The following LYST variants were observed in gnomAD, a reference collection of about 807,000 sequenced individuals.
LYST encodes lysosomal trafficking regulator, also known as lysosomal-trafficking regulator.
A neutral mutation model predicts 413.6 loss-of-function variants in LYST; 192 were observed. The observed-to-expected ratio is 0.46, with a 90% CI of 0.41 to 0.52. The LOEUF is 0.52. Ranked by LOEUF, LYST falls within the 20% of genes least tolerant of loss-of-function variation. The pLI is 0.00. For missense variants in LYST, 3,815 were observed against 4,499.9 expected (o/e 0.85, Z 4.35); for synonymous variants, 1,525 against 1,567.3 (o/e 0.97, Z 0.64).
intron 47 of LYST, among the ~76,000 whole-genome samples, chr1:235,687,765 C>G (rs1181071428): frequency 6.6e-6 from 1 of 152,174 alleles, no homozygotes; most frequent in East Asian, 1.9e-4. Flanking sequence ...CAGCTGCACA[C>G]CTCTTCCTCT....
chr1:235,845,722 C>A (rs187023352), intron 1 of LYST, among the ~76,000 whole-genome samples: 2 of 152,166 alleles, frequency 1.3e-5, no homozygotes, highest in African/African-American at 4.8e-5. Context: ...GGCTTTCCCC[C>A]ACTTCCCTGA....
At chr1:235,693,122 T>C (rs982518163) in intron 47 of LYST, among the ~76,000 whole-genome samples, 4 of 152,052 alleles carry the variant, frequency 2.6e-5, no homozygotes, top group Non-Finnish European at 5.9e-5. Flanking sequence ...GAGACCATCC[T>C]TGCTAACACG....
intron 8 of LYST, among the ~76,000 whole-genome samples, chr1:235,801,934 G>A (rs532805452): frequency 1.3e-5 from 2 of 152,178 alleles, no homozygotes; most frequent in East Asian, 1.9e-4. Context: ...GGTGGCTCAC[G>A]CCTGTAATCC....
chr1:235,754,610 G>A (rs1304356934), intron 25 of LYST, among the ~76,000 whole-genome samples: 1 of 152,072 alleles, frequency 6.6e-6, no homozygotes, highest in African/African-American at 2.4e-5. Context: ...GCTTTTATTT[G>A]TTTCTAGTTT....
chr1:235,677,039 T>C, intron 50 of LYST, 52 bp downstream of exon 50: 1 of 1,309,836 alleles, frequency 7.6e-7, no homozygotes, highest in Admixed American at 1.7e-5. Context: ...ACTGGCCGAA[T>C]GCGCTGTTAG....
chr1:235,720,993 T>C (rs1173229977), intron 39 of LYST, 88 bp from the exon 40 acceptor site: 1 of 1,343,304 alleles, frequency 7.4e-7, no homozygotes, highest in Admixed American at 1.7e-5. Context: ...ATTATAGACA[T>C]GTTACAAATC....
At chr1:235,694,346 C>T (rs184942876) in intron 46 of LYST, among the ~76,000 whole-genome samples, 1 of 152,222 alleles carries the variant, frequency 6.6e-6, no homozygotes, top group Non-Finnish European at 1.5e-5. Context: ...GTATGATGTT[C>T]TCTTGGCATA....
chr1:235,873,989 GTT>G (rs981754195), intron 1 of LYST, among the ~76,000 whole-genome samples: 1 of 152,174 alleles, frequency 6.6e-6, no homozygotes, highest in Non-Finnish European at 1.5e-5. Context: ...AATAATATAA[GTT>G]CTCAGCAGAT....
At chr1:235,733,949 T>G (rs200888557) in intron 32 of LYST, 43 bp from the exon 33 acceptor site, 1 of 976,324 alleles carries the variant, frequency 1.0e-6, no homozygotes, top group Non-Finnish European at 1.5e-6. Flanking sequence ...AATTTATTAT[T>G]TCTCACCTAA....
chr1:235,865,940 A>G (rs898539456), intron 1 of LYST, among the ~76,000 whole-genome samples: 5 of 152,104 alleles, frequency 3.3e-5, no homozygotes, highest in Admixed American at 3.3e-4. Flanking sequence ...CTCCCTTAAA[A>G]TTTTCTATCT....
At chr1:235,827,554 C>G in intron 3 of LYST, 1 of 978,268 alleles carries the variant, frequency 1.0e-6, no homozygotes, top group Non-Finnish European at 1.2e-6. Flanking sequence ...GATAAAATAT[C>G]ATTCAATTAA....
intron 14 of LYST, among the ~76,000 whole-genome samples, chr1:235,786,750 G>A (rs145149520): frequency 1.3e-3 from 197 of 152,036 alleles, no homozygotes; most frequent in African/African-American, 3.9e-3. Context: ...TCCTTTGTAC[G>A]GACACGGATG....
At chr1:235,670,146 C>T (rs1444782253) in intron 50 of LYST, among the ~76,000 whole-genome samples, 2 of 152,194 alleles carry the variant, frequency 1.3e-5, no homozygotes, top group South Asian at 2.1e-4. Flanking sequence ...ACCTTTCCCA[C>T]CTTAGCAACA....
intron 1 of LYST, among the ~76,000 whole-genome samples, chr1:235,874,203 C>T (rs1681046262): frequency 1.3e-5 from 2 of 152,178 alleles, no homozygotes; most frequent in Admixed American, 1.3e-4. Flanking sequence ...AAAATGTCTC[C>T]AACTCTACCT....
At chr1:235,820,636 G>A (rs1046859075) in intron 3 of LYST, among the ~76,000 whole-genome samples, 3 of 152,140 alleles carry the variant, frequency 2.0e-5, no homozygotes, top group Non-Finnish European at 4.4e-5. Context: ...CTCTCAAAGT[G>A]CTAGGATTAC....
chr1:235,717,968 A>G (rs1400903052), intron 40 of LYST, among the ~76,000 whole-genome samples: 1 of 151,224 alleles, frequency 6.6e-6, no homozygotes, highest in African/African-American at 2.4e-5. Context: ...GGTTCAAGCC[A>G]TTCTCTTGCC....
chr1:235,834,921 A>AT (rs920477576), intron 1 of LYST, among the ~76,000 whole-genome samples: 91 of 147,698 alleles, frequency 6.2e-4, no homozygotes, highest in Admixed American at 1.4e-3. Context: ...TATCATGCAA[A>AT]TTTTTTTTTT....
chr1:235,677,558 C>T lies in LYST; in HGVS notation c.10862G>A (p.Ser3621Asn), dbSNP rs1356619947. The T allele has an allele frequency of 1.9e-6, 3 of 1,612,566 alleles. No homozygotes were observed. Among genetic ancestry groups the T allele is most frequent in the Non-Finnish European group, 2.5e-6 (3 of 1,178,746 alleles). Residue 3621 changes from serine to asparagine, a missense_variant, in exon 49 of 53, where the codon AGC (serine) becomes AAC (asparagine). Physicochemically the swap from Ser to Asn is conservative, Grantham distance 46. Coordinates refer to ENST00000389793, the MANE Select transcript of LYST (RefSeq NM_000081.4). ...ACTGTATGGTTTGCAAACAAATAAGCTGGTTATCTCTTCTGTGTGACCATA... is the reference window on the plus strand; with the variant it reads ...ACTGTATGGTTTGCAAACAAATAAGTTGGTTATCTCTTCTGTGTGACCATA... The part of the protein sequence containing the change: ...HLYGHTEEIT[S>N]LFVCKPYSIL...
Position 235,733,485 on chromosome 1 carries a change from T to C in LYST, c.8801+18A>G. ...AATCTTCATGGAAGACAATTTTAAC[T>C]GACCTCCCGCAGCTTACCTATCATG... On this transcript the variant is annotated intron_variant, in intron 34 of 52. Transcript: ENST00000389793. The C allele has an allele frequency of 6.2e-7, 1 of 1,610,604 alleles. No individual in the cohort carries two copies. Among genetic ancestry groups the C allele is most frequent in the Non-Finnish European group, 8.5e-7 (1 of 1,176,892 alleles).
Sources: gnomAD v4.1 joint callset for allele counts (sites outside exome capture counted in the v4.1 genomes callset) on GRCh38, gnomAD v4.1.1 for gene constraint, MANE v1.5 for transcripts, NCBI Gene and HGNC (gene_info 2026-07-23, HGNC 2026-07-21) for gene names.